Variants in TMEM266 observed in about 807,000 individuals in gnomAD.
The protein encoded by TMEM266 is Hv1 related protein 1.
A neutral mutation model predicts 50.5 loss-of-function variants in TMEM266; 33 were observed. The ratio of observed to expected loss-of-function variants is 0.65; its 90% CI spans 0.50 to 0.87. TMEM266 has a LOEUF of 0.87. Among genes scored for constraint, TMEM266 ranks in the 40% least tolerant of loss-of-function variants. TMEM266 has a pLI of 0.00. For synonymous variants in TMEM266, 310 were observed against 292.3 expected, an observed-to-expected ratio of 1.06 and a Z score of -0.62; for missense variants, 655 against 695.1, an observed-to-expected ratio of 0.94 and a Z score of 0.65.
At chr15:76,085,211 G>A (rs746320725) in intron 1 of TMEM266, among the ~76,000 whole-genome samples, 5 of 151,090 alleles carry the variant, frequency 3.3e-5, no homozygotes, top group East Asian at 1.9e-4. Flanking sequence ...TGCCCATCTC[G>A]GCCTCCCAAA....
At position 76,117,301 on chromosome 15, in the gene TMEM266, T is replaced by C. The variant is rs2037266569; in HGVS notation, c.-96-16867T>C. ...AAATCGACTTTTTACCTTATACTGATGGCTTCTCAGAGACAAGGTCATCAC... is the reference window on the plus strand; with the variant it reads ...AAATCGACTTTTTACCTTATACTGACGGCTTCTCAGAGACAAGGTCATCAC... On this transcript the variant is annotated intron_variant, in intron 1 of 10. Transcript: ENST00000388942. 2.0e-5 allele frequency among the ~76,000 whole-genome samples: 3 copies of C among 152,146 alleles called. 1 individual carries two copies. In the South Asian group the frequency reaches 6.2e-4, roughly 32 times the overall value.
rs1305851934 is a variant in TMEM266, at chr15:76,204,295, C to T, written c.1576C>T (p.His526Tyr). 1 of 1,609,928 alleles carries T rather than the reference C, an allele frequency of 6.2e-7. No individual in the cohort carries two copies. The highest frequency in any genetic ancestry group is 1.1e-5 in the South Asian group (1 of 90,828). ...TTTGGAATCCAAAGAGCAAAAGCTG[C>T]ACAGGGTCCCTGAGGCCTAGAGCCT... Residue 526 changes from histidine to tyrosine, a missense_variant, in exon 11 of 11, where the codon CAC becomes TAC. Physicochemically the swap from His to Tyr is moderately conservative, Grantham distance 83 (BLOSUM62 2). Coordinates refer to ENST00000388942, the MANE Select transcript of TMEM266 (RefSeq NM_152335.3).
intron 1 of TMEM266, among the ~76,000 whole-genome samples, chr15:76,092,804 C>CTTTTT (rs35632529): frequency 5.1e-5 from 6 of 118,628 alleles, no homozygotes; most frequent in Admixed American, 8.7e-5. Flanking sequence ...GAGTTAGGTG[C>CTTTTT]TTTTTTTTTT....
rs1486862976 is a variant in TMEM266 at position 76,134,176 on chromosome 15, A to G, written c.-88A>G. ...CCTATTTTTGTTTTCAGGGCACTAT[A>G]TTTGTATGTGTCTTGTAGAACCCAC... is the stretch of plus-strand genomic sequence containing the variant. On this transcript the variant is annotated 5_prime_UTR_variant, in exon 2 of 11. In the 5' UTR this introduces an upstream ATG that the reference lacks. Coordinates refer to ENST00000388942, the MANE Select transcript of TMEM266 (RefSeq NM_152335.3). 4 of 1,454,044 alleles carry G rather than the reference A, an allele frequency of 2.8e-6. No homozygotes were observed. The highest frequency in any genetic ancestry group is 2.9e-6 in the Non-Finnish European group (3 of 1,041,316). The allele number at this position is 1,454,044 out of a possible 1,614,324, so 90.1% of individuals were successfully genotyped here.
chr15:76,197,952 G>A (rs2038679854), intron 9 of TMEM266, among the ~76,000 whole-genome samples: 1 of 152,234 alleles, frequency 6.6e-6, no homozygotes, highest in South Asian at 2.1e-4. Context: ...CACTTGACGG[G>A]CTTTTAGGAG....
At chr15:76,070,594 T>C (rs2036524605) in intron 1 of TMEM266, among the ~76,000 whole-genome samples, 1 of 152,220 alleles carries the variant, frequency 6.6e-6, no homozygotes, top group Non-Finnish European at 1.5e-5. Flanking sequence ...ACTCTAGTAC[T>C]ACTACTCTAG....
At chr15:76,123,201 C>T (rs923739799) in intron 1 of TMEM266, among the ~76,000 whole-genome samples, 2 of 152,172 alleles carry the variant, frequency 1.3e-5, no homozygotes, top group Non-Finnish European at 2.9e-5. Context: ...TGGGAGAATG[C>T]TCAGGTGTGT....
intron 1 of TMEM266, among the ~76,000 whole-genome samples, chr15:76,060,720 A>G: frequency 6.6e-6 from 1 of 152,334 alleles, no homozygotes; most frequent in South Asian, 2.1e-4. Context: ...TGGGACTTGC[A>G]TACTCAAACT....
intron 3 of TMEM266, among the ~76,000 whole-genome samples, chr15:76,156,353 T>C (rs530263427): frequency 7.2e-4 from 109 of 152,064 alleles, no homozygotes; most frequent in Admixed American, 1.6e-3. Flanking sequence ...GAGTAAGACT[T>C]TGTCTCAAAA....
intron 1 of TMEM266, among the ~76,000 whole-genome samples, chr15:76,083,076 C>T (rs1157738960): frequency 6.6e-6 from 1 of 152,092 alleles, no homozygotes; most frequent in Non-Finnish European, 1.5e-5. Context: ...GAGGGATCCA[C>T]CCCCATGACC....
At chr15:76,157,853 T>G (rs2037950351) in intron 4 of TMEM266, among the ~76,000 whole-genome samples, 1 of 152,058 alleles carries the variant, frequency 6.6e-6, no homozygotes, top group African/African-American at 2.4e-5. Context: ...CCTGGCATAG[T>G]GGCACACGCC....
In TMEM266 at chr15:76,168,038, C is replaced by T. The variant is rs1234322367; in HGVS notation, c.457-1778C>T. Among the ~76,000 whole-genome samples the T allele has an allele frequency of 6.6e-6, 1 of 152,138 alleles. No homozygotes were observed. Among genetic ancestry groups the T allele is most frequent in the Non-Finnish European group, 1.5e-5 (1 of 68,024 alleles). ...AATAGGAAGGATTATAACATGTAAC[C>T]CACCTCTCTGGCAGAAGGAGAAACT... On this transcript the variant is annotated intron_variant, in intron 5 of 10. Coordinates refer to ENST00000388942, the MANE Select transcript of TMEM266 (RefSeq NM_152335.3). The surrounding 1 kb of genome is among the most constrained non-coding windows in gnomAD (Gnocchi z 4.4).
At chr15:76,156,272 A>G (rs2037923592) in intron 3 of TMEM266, among the ~76,000 whole-genome samples, 1 of 152,178 alleles carries the variant, frequency 6.6e-6, no homozygotes. Context: ...AGGCAGGAGA[A>G]TTGCTTGAAC....
intron 9 of TMEM266, among the ~76,000 whole-genome samples, chr15:76,199,810 C>G (rs965877665): frequency 7.1e-6 from 1 of 140,224 alleles, no homozygotes; most frequent in Non-Finnish European, 1.6e-5. Flanking sequence ...GTGAAACGTT[C>G]AGGGTGGAAA....
chr15:76,163,114 C>T (rs1229253092), intron 5 of TMEM266, among the ~76,000 whole-genome samples: 4 of 152,282 alleles, frequency 2.6e-5, no homozygotes, highest in Admixed American at 1.3e-4. Context: ...TGGAGAGGTG[C>T]GGAAACCTGC....
At chr15:76,200,637 C>A (rs2038731370) in intron 9 of TMEM266, among the ~76,000 whole-genome samples, 1 of 152,198 alleles carries the variant, frequency 6.6e-6, no homozygotes, top group African/African-American at 2.4e-5. Context: ...CCAAGATTGA[C>A]CAGATCCCCC....
intron 1 of TMEM266, among the ~76,000 whole-genome samples, chr15:76,066,903 G>A (rs983902619): frequency 1.4e-4 from 22 of 152,086 alleles, no homozygotes; most frequent in African/African-American, 5.1e-4. Flanking sequence ...TGTTGCAGGG[G>A]CAGTCCTGTG....
At chr15:76,117,296 A>G (rs1053290534) in intron 1 of TMEM266, among the ~76,000 whole-genome samples, 6 of 151,636 alleles carry the variant, frequency 4.0e-5, no homozygotes, top group Non-Finnish European at 5.9e-5. Context: ...TTTACCTTAT[A>G]CTGATGGCTT....
intron 3 of TMEM266, among the ~76,000 whole-genome samples, chr15:76,140,491 C>T (rs764935499): frequency 6.6e-6 from 1 of 152,170 alleles, no homozygotes; most frequent in African/African-American, 2.4e-5. Flanking sequence ...CCTACGAAGG[C>T]CAGTGTTATG....
Sources: gnomAD v4.1 joint callset for allele counts (sites outside exome capture counted in the v4.1 genomes callset) on GRCh38, gnomAD v4.1.1 for gene constraint, Gnocchi (gnomAD v3.1) non-coding constraint, MANE v1.5 for transcripts, NCBI Gene and HGNC (gene_info 2026-07-23, HGNC 2026-07-21) for gene names.